The following STAT5B variants were observed in gnomAD, a reference collection of about 807,000 sequenced individuals.
The protein encoded by STAT5B is transcription factor STAT5B.
STAT5B carries 21 observed loss-of-function variants against 107.8 expected under a neutral mutation model. The observed-to-expected ratio is 0.19, with a 90% CI of 0.14 to 0.28. STAT5B has a LOEUF of 0.28. Among genes scored for constraint, STAT5B ranks in the 10% least tolerant of loss-of-function variants. STAT5B has a pLI of 1.00. For missense variants in STAT5B, 565 were observed against 1,008.2 expected, an observed-to-expected ratio of 0.56 and a Z score of 5.95; for synonymous variants, 325 against 401.7, an observed-to-expected ratio of 0.81 and a Z score of 2.28.
chr17:42,202,453 G>C lies in STAT5B; in HGVS notation c.2130-6C>G. ...CTGCAGATGCGTTCACAAACCTGCA[G>C]AAGGAAGAGAACAGAGCTTCAGCTG... On this transcript the variant is annotated splice_region_variant and splice_polypyrimidine_tract_variant and intron_variant, in intron 17 of 18. Transcript: ENST00000293328. 1 of 1,613,826 alleles carries C rather than the reference G, an allele frequency of 6.2e-7. No individual in the cohort carries two copies. The highest frequency in any genetic ancestry group is 8.5e-7 in the Non-Finnish European group (1 of 1,179,964).
chr17:42,281,980 T>C, the STAT5B span, among the ~76,000 whole-genome samples: 3 of 152,160 alleles, frequency 2.0e-5, no homozygotes, highest in Non-Finnish European at 2.9e-5. Flanking sequence ...AGGCTGCTGC[T>C]GCCACTGTGT....
chr17:42,222,200 C>CTG (rs60621852), intron 5 of STAT5B, among the ~76,000 whole-genome samples: 1,779 of 146,648 alleles, frequency 0.012, 26 homozygotes, highest in African/African-American at 0.043. Context: ...TCTGTGTGTG[C>CTG]TGTGTGTGTG....
intron 2 of STAT5B, among the ~76,000 whole-genome samples, chr17:42,230,856 T>G (rs758711557): frequency 2.0e-5 from 3 of 152,082 alleles, no homozygotes; most frequent in Non-Finnish European, 4.4e-5. Flanking sequence ...GAGATGGGAT[T>G]TTGCCATGTT....
chr17:42,229,274 C>A (rs1179054792), intron 2 of STAT5B, among the ~76,000 whole-genome samples: 1 of 151,956 alleles, frequency 6.6e-6, no homozygotes, highest in Non-Finnish European at 1.5e-5. Context: ...CTCAGCCTCC[C>A]AAGTAGCTGG....
In STAT5B at chr17:42,223,509, G is replaced by C; in HGVS notation, c.423C>G (p.His141Gln). 6.2e-7 allele frequency: 1 copy of C among 1,614,166 alleles called. No homozygotes were observed. The highest frequency in any genetic ancestry group is 8.5e-7 in the Non-Finnish European group (1 of 1,180,034). The part of the protein sequence containing the change: ...GSLADAMSQK[H>Q]LQINQTFEEL... ...CCTCAAACGTCTGGTTGATCTGGAGGTGTTTCTGGGACATGGCATCAGCAA... is the reference window on the plus strand; with the variant it reads ...CCTCAAACGTCTGGTTGATCTGGAGCTGTTTCTGGGACATGGCATCAGCAA... The change falls in exon 5 of 19, where the codon CAC becomes CAG. Residue 141 changes from histidine to glutamine, a missense_variant. Around this residue, in one of 11 missense-constraint regions of STAT5B, gnomAD observed 54 missense variants for 49.7 expected, o/e 1.09. Coordinates refer to ENST00000293328, the MANE Select transcript of STAT5B (RefSeq NM_012448.4).
intron 1 of STAT5B, among the ~76,000 whole-genome samples, chr17:42,268,299 T>C (rs766236700): frequency 2.6e-5 from 4 of 152,206 alleles, no homozygotes; most frequent in Admixed American, 6.5e-5. Context: ...TGTGTTACAA[T>C]TGTCTACAGT....
chr17:42,235,897 C>T (rs1472703045), intron 1 of STAT5B, among the ~76,000 whole-genome samples: 1 of 152,146 alleles, frequency 6.6e-6, no homozygotes, highest in Non-Finnish European at 1.5e-5. Context: ...ACATTCCCTG[C>T]TGGTCAAGCA....
At chr17:42,246,821 A>G (rs1397162528) in intron 1 of STAT5B, among the ~76,000 whole-genome samples, 2 of 152,138 alleles carry the variant, frequency 1.3e-5, no homozygotes, top group East Asian at 1.9e-4. Flanking sequence ...ACCTCTAATC[A>G]CATACCTGAA....
intron 1 of STAT5B, among the ~76,000 whole-genome samples, chr17:42,235,761 C>A (rs896216707): frequency 6.6e-6 from 1 of 152,226 alleles, no homozygotes; most frequent in Admixed American, 6.5e-5. Context: ...CAGGCGTGAG[C>A]CACCACGCTC....
intron 18 of STAT5B, 75 bp downstream of exon 18, chr17:42,202,265 C>T: frequency 6.4e-7 from 1 of 1,569,292 alleles, no homozygotes; most frequent in Non-Finnish European, 8.7e-7. Context: ...CCTTTGACCC[C>T]AGCCCTCCAG....
upstream of STAT5B, chr17:42,276,459 G>GCCGCTGGCAACCCGGAGCGCGCC (rs2080767897): frequency 6.7e-6 from 1 of 148,202 alleles, no homozygotes; most frequent in African/African-American, 2.4e-5. The surrounding 1 kb of genome is among the most constrained non-coding windows in gnomAD (Gnocchi z 4.8). Context: ...AGGGACGCGC[G>GCCGCTGGCAACCCGGAGCGCGCC]CCGCTGGCAA....
At chr17:42,271,611 TAGA>T (rs1567680496) in intron 1 of STAT5B, 1 of 152,116 alleles carries the variant, frequency 6.6e-6, no homozygotes, top group Non-Finnish European at 1.5e-5. Context: ...CCAAAGGTAA[TAGA>T]AGGATACATG....
At chr17:42,201,955 C>A in intron 18 of STAT5B, 91 bp from the exon 19 acceptor site, 6 of 1,226,952 alleles carry the variant, frequency 4.9e-6, no homozygotes, top group Non-Finnish European at 7.1e-6. Flanking sequence ...GCAGTCTGAG[C>A]CAGCCTATGC....
At chr17:42,243,524 A>G (rs986188597) in intron 1 of STAT5B, among the ~76,000 whole-genome samples, 2 of 152,228 alleles carry the variant, frequency 1.3e-5, no homozygotes, top group Non-Finnish European at 2.9e-5. Flanking sequence ...GTAAATGGCC[A>G]TGTCGTCTGC....
At chr17:42,203,413 TAA>T (rs112494909) in intron 16 of STAT5B, among the ~76,000 whole-genome samples, 4 of 137,602 alleles carry the variant, frequency 2.9e-5, no homozygotes, top group African/African-American at 1.1e-4. Flanking sequence ...GCATACTAAT[TAA>T]AAAAAAAAAA....
At chr17:42,212,493 G>A (rs1182460953) in intron 12 of STAT5B, among the ~76,000 whole-genome samples, 1 of 152,186 alleles carries the variant, frequency 6.6e-6, no homozygotes. Flanking sequence ...ACCAAGGTCT[G>A]GCTCTTAGAT....
chr17:42,231,885 ATTTAAAAATG>A, intron 2 of STAT5B, 105 bp downstream of exon 2: 1 of 1,516,406 alleles, frequency 6.6e-7, no homozygotes, highest in South Asian at 1.2e-5. Context: ...TATGGATCAC[ATTTAAAAATG>A]TTTAAAAATA....
chr17:42,252,011 AAAG>A (rs2080504338), intron 1 of STAT5B, among the ~76,000 whole-genome samples: 1 of 151,882 alleles, frequency 6.6e-6, no homozygotes, highest in Non-Finnish European at 1.5e-5. Context: ...AAAAAAAAAA[AAAG>A]AAAAAAAGAA....
rs973800441 is a variant in STAT5B at position 42,202,664 on chromosome 17, G to A, written c.2129+93C>T. 13 of 1,599,252 alleles carry A rather than the reference G, an allele frequency of 8.1e-6. No individual in the cohort carries two copies. In the African/African-American group the frequency reaches 1.6e-4, roughly 20 times the overall value. ...CAGGGCTGAGACAGTTTCCCCGGGG[G>A]AGCGGAAAGCTGGGCCAGGATAAGG... On this transcript the variant is annotated intron_variant, in intron 17 of 18. Coordinates refer to ENST00000293328, the MANE Select transcript of STAT5B (RefSeq NM_012448.4).
Sources: gnomAD v4.1 joint callset for allele counts (sites outside exome capture counted in the v4.1 genomes callset) on GRCh38, gnomAD v4.1.1 for gene constraint, gnomAD v4.1.1 regional missense constraint, Gnocchi (gnomAD v3.1) non-coding constraint, MANE v1.5 for transcripts, NCBI Gene and HGNC (gene_info 2026-07-23, HGNC 2026-07-21) for gene names.